Variants in PTPRD observed in about 807,000 individuals in gnomAD.
PTPRD encodes the protein protein tyrosine phosphatase receptor type D.
In PTPRD, 34 loss-of-function variants were observed where a neutral mutation model predicts 214.5. The ratio of observed to expected loss-of-function variants is 0.16; its 90% CI spans 0.12 to 0.21. The LOEUF is 0.21. Ranked by LOEUF, PTPRD falls within the 10% of genes least tolerant of loss-of-function variation. The pLI is 1.00. For missense variants in PTPRD, 2,545 were observed against 2,398.7 expected (o/e 1.06, Z -1.27); for synonymous variants, 1,128 against 845.7 (o/e 1.33, Z -5.79).
intron 9 of PTPRD, among the ~76,000 whole-genome samples, chr9:9,241,481 C>A (rs1200585330): frequency 6.6e-6 from 1 of 152,064 alleles, no homozygotes; most frequent in Non-Finnish European, 1.5e-5. Context: ...GACCAGACAA[C>A]TTTGAGAAAC....
intron 14 of PTPRD, among the ~76,000 whole-genome samples, chr9:8,611,667 C>G (rs138973937): frequency 6.6e-6 from 1 of 150,864 alleles, no homozygotes; most frequent in Non-Finnish European, 1.5e-5. Flanking sequence ...TGTGATCCAG[C>G]CACTGCACTC....
intron 5 of PTPRD, among the ~76,000 whole-genome samples, chr9:9,807,168 A>C (rs1394359300): frequency 2.0e-5 from 3 of 152,190 alleles, no homozygotes; most frequent in African/African-American, 7.2e-5. Flanking sequence ...GCCCCTCAGC[A>C]GAATTATTTC....
chr9:8,782,786 G>C (rs374664595), intron 11 of PTPRD, among the ~76,000 whole-genome samples: 2 of 151,856 alleles, frequency 1.3e-5, no homozygotes, highest in South Asian at 4.2e-4. Flanking sequence ...AGTAGAGACA[G>C]GGTTTCACCA....
intron 2 of PTPRD, among the ~76,000 whole-genome samples, chr9:10,360,467 T>C (rs1313768327): frequency 6.6e-6 from 1 of 152,240 alleles, no homozygotes; most frequent in African/African-American, 2.4e-5. Context: ...TCACATTTTC[T>C]TTTGTTCCCT....
rs934764969 is a variant in PTPRD, at chr9:9,206,314, G to T, written c.-202-22951C>A. On this transcript the variant is annotated intron_variant, in intron 9 of 45. Coordinates refer to ENST00000381196, the MANE Select transcript of PTPRD (RefSeq NM_002839.4). Reference sequence around the variant, plus strand: ...CAGTTTTACAAGAGGAGGACCATTGGAGGGTTGTGCGTAAAGGCATGACAT... The same window carrying T: ...CAGTTTTACAAGAGGAGGACCATTGTAGGGTTGTGCGTAAAGGCATGACAT... Among the ~76,000 whole-genome samples the T allele has an allele frequency of 2.3e-4, 35 of 152,208 alleles. 3 individuals are homozygous for T. The highest frequency in any genetic ancestry group is 1.9e-3 in the Admixed American group (29 of 15,286).
intron 2 of PTPRD, among the ~76,000 whole-genome samples, chr9:10,582,328 G>A (rs1257126565): frequency 6.6e-6 from 1 of 151,860 alleles, no homozygotes; most frequent in East Asian, 1.9e-4. Context: ...TTTTAGCTCT[G>A]CCTATACTGT....
intron 3 of PTPRD, among the ~76,000 whole-genome samples, chr9:10,132,773 A>C (rs2098906503): frequency 6.6e-6 from 1 of 152,176 alleles, no homozygotes; most frequent in African/African-American, 2.4e-5. Flanking sequence ...AGAATGAGGT[A>C]AATATAATCT....
intron 10 of PTPRD, among the ~76,000 whole-genome samples, chr9:9,039,757 T>C (rs1475583213): frequency 6.6e-6 from 1 of 152,256 alleles, no homozygotes; most frequent in Non-Finnish European, 1.5e-5. Flanking sequence ...GAATATTTTG[T>C]ACTGGGAAAG....
At chr9:9,825,312 AAGAGAAAGAAAGAGAG>A (rs1330289944) in intron 5 of PTPRD, among the ~76,000 whole-genome samples, 1 of 151,588 alleles carries the variant, frequency 6.6e-6, no homozygotes, top group Admixed American at 6.6e-5. Flanking sequence ...GGTAGGAAGA[AAGAGAAAGAAAGAGAG>A]AGAGAAAGAG....
At chr9:9,302,601 C>CTTTTTTTTTTTTTTTTTTTTTTTCT (rs3047853) in intron 9 of PTPRD, among the ~76,000 whole-genome samples, 2 of 111,888 alleles carry the variant, frequency 1.8e-5, no homozygotes, top group South Asian at 3.0e-4. Context: ...TTTTTTTTTT[C>CTTTTTTTTTTTTTTTTTTTTTTTCT]TTTTTTTTTT....
intron 10 of PTPRD, among the ~76,000 whole-genome samples, chr9:9,145,817 C>T (rs991478923): frequency 1.3e-5 from 2 of 152,134 alleles, no homozygotes; most frequent in African/African-American, 4.8e-5. Flanking sequence ...TGTTCTAGTA[C>T]CTGACTACGA....
chr9:8,491,859 G>A (rs1199353907), intron 27 of PTPRD, among the ~76,000 whole-genome samples: 1 of 152,120 alleles, frequency 6.6e-6, no homozygotes, highest in African/African-American at 2.4e-5. Context: ...CCTTTACATA[G>A]AGGTATGTTC....
rs140610253 is a variant in PTPRD at position 9,110,310 on chromosome 9, T to A, written c.-143+72994A>T. On this transcript the variant is annotated intron_variant, in intron 10 of 45. Coordinates refer to ENST00000381196, the MANE Select transcript of PTPRD (RefSeq NM_002839.4). ...AAGAATAGTCCCCAGACCAGCAACT[T>A]CAACATCATCTGGGAGCATTATAGA... is the stretch of plus-strand genomic sequence containing the variant. Among the ~76,000 whole-genome samples, 911 of 152,150 alleles carry A rather than the reference T, an allele frequency of 6.0e-3. 4 individuals carry two copies. The highest frequency in any genetic ancestry group is 9.2e-3 in the Non-Finnish European group (627 of 68,004).
chr9:9,408,495 A>G (rs1170407848), intron 8 of PTPRD, among the ~76,000 whole-genome samples: 1 of 151,864 alleles, frequency 6.6e-6, no homozygotes, highest in Non-Finnish European at 1.5e-5. Context: ...ACATTATAAT[A>G]AAATTGAAAC....
chr9:9,409,414 G>T (rs192052809), intron 8 of PTPRD, among the ~76,000 whole-genome samples: 1 of 151,974 alleles, frequency 6.6e-6, no homozygotes. Flanking sequence ...CTAGTAACAT[G>T]GTCCAGTAAC....
chr9:8,341,782 C>T lies in PTPRD; in HGVS notation c.4858G>A (p.Val1620Met), dbSNP rs1173297769. 1 of 1,613,474 alleles carries T rather than the reference C, an allele frequency of 6.2e-7. No homozygotes were observed. ...LEAVTCGNTE[V>M]PARNLYAYIQ... The stretch of plus-strand genomic sequence containing the variant: ...TAGGCATACAAGTTTCTAGCTGGCA[C>T]TTCGGTATTTCCACAAGTCACTGCT... The change falls in exon 40 of 46, where the codon GTG becomes ATG. Residue 1620 changes from valine to methionine, a missense_variant. Physicochemically the swap from Val to Met is conservative, Grantham distance 21 (BLOSUM62 1). Transcript: ENST00000381196.
At chr9:9,764,930 G>A (rs1057163506) in intron 6 of PTPRD, among the ~76,000 whole-genome samples, 25 of 152,066 alleles carry the variant, frequency 1.6e-4, no homozygotes, top group Non-Finnish European at 7.4e-5. Flanking sequence ...CTAACAGCAG[G>A]CTCGAGGTTG....
intron 3 of PTPRD, among the ~76,000 whole-genome samples, chr9:10,243,600 T>G (rs79393675): frequency 0.013 from 2,027 of 152,104 alleles, 54 homozygotes; most frequent in African/African-American, 0.046. Context: ...TACCACAATT[T>G]TCTTCTGAAA....
At chr9:8,821,725 G>C (rs1396604999) in intron 11 of PTPRD, among the ~76,000 whole-genome samples, 1 of 152,200 alleles carries the variant, frequency 6.6e-6, no homozygotes, top group Non-Finnish European at 1.5e-5. Context: ...GATTGCAGTG[G>C]CACAATCTCG....
Sources: allele counts gnomAD v4.1 joint callset (sites outside exome capture counted in the v4.1 genomes callset), GRCh38; gene constraint gnomAD v4.1.1; transcripts MANE v1.5; gene names NCBI Gene and HGNC (gene_info 2026-07-23, HGNC 2026-07-21).